XG: variants seen among roughly 807,000 people sequenced by gnomAD.
XG encodes glycoprotein Xg.
In XG, 24 loss-of-function variants were observed where a neutral mutation model predicts 25.7. That is an observed-to-expected ratio of 0.93 (90% CI 0.68 to 1.31). XG has a LOEUF of 1.31. Among genes scored for constraint, XG ranks in the 40% most tolerant of loss-of-function variants. The pLI, the probability that XG is intolerant of heterozygous loss-of-function variation, is 0.00. For synonymous variants in XG, 77 were observed against 69.2 expected, an observed-to-expected ratio of 1.11 and a Z score of -0.56; for missense variants, 181 against 187.6, an observed-to-expected ratio of 0.96 and a Z score of 0.21.
chrX:2,810,550 G>A (rs1405277728), intron 9 of XG, among the ~76,000 whole-genome samples: 1 of 111,560 alleles, frequency 9.0e-6, no homozygotes, highest in Non-Finnish European at 1.9e-5. Context: ...CTCAGGAGGC[G>A]GAGGCAGGAG....
intron 1 of XG, among the ~76,000 whole-genome samples, chrX:2,766,816 C>T (rs2050708776): frequency 6.6e-6 from 1 of 151,972 alleles, no homozygotes; most frequent in African/African-American, 2.4e-5. Context: ...CCGCCTGCCT[C>T]GGCCTCCCAA....
chrX:2,776,681 TA>T (rs1313563241), intron 3 of XG, among the ~76,000 whole-genome samples: 1 of 151,966 alleles, frequency 6.6e-6, no homozygotes, highest in African/African-American at 2.4e-5. Context: ...CCGTCTCTAC[TA>T]AAAAATACAA....
At chrX:2,775,783 T>C (rs311160) in intron 3 of XG, among the ~76,000 whole-genome samples, 118,521 of 150,944 alleles carry the variant, frequency 0.79, 46,981 homozygotes, top group East Asian at 0.94. Flanking sequence ...TGGTGAAACC[T>C]GGTCTCTACT....
chrX:2,772,831 T>C (rs1264891561), intron 2 of XG, among the ~76,000 whole-genome samples: 1 of 152,142 alleles, frequency 6.6e-6, no homozygotes, highest in Non-Finnish European at 1.5e-5. Context: ...GAATGCATCG[T>C]TTTGCTACCA....
At chrX:2,768,140 C>T (rs1348848976) in intron 1 of XG, among the ~76,000 whole-genome samples, 1 of 152,188 alleles carries the variant, frequency 6.6e-6, no homozygotes, top group Admixed American at 6.5e-5. Flanking sequence ...AGGGGAGAGA[C>T]AACACCGAGG....
At position 2,786,260 on chromosome X, in the gene XG, C is replaced by CTTTTTTTTTTTTTTTTTTTTTTTTTTT. The variant is rs1179667048; in HGVS notation, c.191-3367_191-3366insTTTTTTTTTTTTTTTTTTTTTTTTTTT. 3.8e-4 allele frequency among the ~76,000 whole-genome samples: 23 copies of CTTTTTTTTTTTTTTTTTTTTTTTTTTT among 60,561 alleles called. 3 individuals are homozygous for CTTTTTTTTTTTTTTTTTTTTTTTTTTT. Among genetic ancestry groups the CTTTTTTTTTTTTTTTTTTTTTTTTTTT allele is most frequent in the African/African-American group, 8.4e-4 (12 of 14,211 alleles). The allele number at this position is 60,561 out of a possible 115,157, so 52.6% of individuals were successfully genotyped here. A position where few individuals can be genotyped will look rare whatever the true frequency, so the allele number is the denominator to read the frequency against. On this transcript the variant is annotated intron_variant, in intron 4 of 10. Coordinates refer to ENST00000644266, the MANE Select transcript of XG (RefSeq NM_001141919.2). ...CCCCAGCAGCTCCTATCCATGTTGT[C>CTTTTTTTTTTTTTTTTTTTTTTTTTTT]TTTTTTTTTTTTTTTTTCAGACAGA...
intron 10 of XG, among the ~76,000 whole-genome samples, chrX:2,811,714 G>A (rs1182359878): frequency 1.8e-5 from 2 of 111,526 alleles, no homozygotes; most frequent in African/African-American, 6.5e-5. Context: ...TCTTGCCTCA[G>A]CCTCCCGAAC....
At chrX:2,800,271 G>A (rs2086922690) in intron 7 of XG, among the ~76,000 whole-genome samples, 1 of 110,659 alleles carries the variant, frequency 9.0e-6, no homozygotes, top group Middle Eastern at 4.6e-3. Flanking sequence ...GCTCAGAGAC[G>A]ACCATGGTAA....
At chrX:2,794,337 T>G (rs989726949) in intron 5 of XG, among the ~76,000 whole-genome samples, 198 bp from the exon 6 acceptor site, 1 of 112,328 alleles carries the variant, frequency 8.9e-6, no homozygotes, top group Admixed American at 9.4e-5. Flanking sequence ...TTCTGGGCCC[T>G]GCACACGCCT....
At chrX:2,800,728 C>T (rs1443893262) in intron 7 of XG, among the ~76,000 whole-genome samples, 2 of 111,737 alleles carry the variant, frequency 1.8e-5, no homozygotes, top group African/African-American at 6.5e-5. Context: ...TGGCCCACGC[C>T]TGTAATCCCA....
At chrX:2,770,902 G>A (rs1378523749) in intron 2 of XG, among the ~76,000 whole-genome samples, 1 of 152,112 alleles carries the variant, frequency 6.6e-6, no homozygotes, top group Non-Finnish European at 1.5e-5. Context: ...CTGGAGTGCA[G>A]TGGTGCAATC....
At chrX:2,770,624 T>G (rs1487219514) in intron 2 of XG, 33 bp downstream of exon 2, 10 of 1,613,400 alleles carry the variant, frequency 6.2e-6, no homozygotes, top group African/African-American at 1.3e-5. Flanking sequence ...GAGCCTTCCC[T>G]TTTCAGCTTG....
Position 2,789,670 on chromosome X carries a change from C to G in XG, c.217C>G (p.Pro73Ala). 8.6e-7 allele frequency: 1 copy of G among 1,164,632 alleles called. No individual in the cohort carries two copies. Among genetic ancestry groups the G allele is most frequent in the Non-Finnish European group, 1.1e-6 (1 of 871,239 alleles). ...GNIYPRPKPR[P>A]QPQPGNSGNS... ...TATCTACCCAAGGCCAAAGCCACGC[C>G]CTCAACCCCAGCCTGGCAATTCCGG... The change falls in exon 5 of 11, where the codon CCT becomes GCT. Residue 73 changes from proline to alanine, a missense_variant. Transcript: ENST00000644266.
chrX:2,762,127 C>A (rs1281896931), intron 1 of XG, among the ~76,000 whole-genome samples: 2 of 152,170 alleles, frequency 1.3e-5, no homozygotes, highest in African/African-American at 4.8e-5. Flanking sequence ...TCAACCAGTG[C>A]CTCATTGCAT....
At position 2,762,146 on chromosome X, in the gene XG, G is replaced by C. The variant is rs184494450; in HGVS notation, c.62-8404G>C. ...CCAGTGCCTCATTGCATGGTCTGCG[G>C]TATTTTCCTCGAGTTTTCCTTGCAC... On this transcript the variant is annotated intron_variant, in intron 1 of 10. Transcript: ENST00000644266. 1.2e-3 allele frequency among the ~76,000 whole-genome samples: 182 copies of C among 152,264 alleles called. 3 individuals are homozygous for C. In the East Asian group the frequency reaches 0.027, roughly 22 times the overall value.
At chrX:2,765,866 G>A (rs941210018) in intron 1 of XG, among the ~76,000 whole-genome samples, 18 of 152,308 alleles carry the variant, frequency 1.2e-4, no homozygotes, top group African/African-American at 4.3e-4. Flanking sequence ...ACTTTCTGGG[G>A]TCGTGGCCCC....
At chrX:2,763,168 C>CA (rs200866770) in intron 1 of XG, among the ~76,000 whole-genome samples, 1 of 151,900 alleles carries the variant, frequency 6.6e-6, no homozygotes, top group Non-Finnish European at 1.5e-5. Context: ...AGGTGCACAC[C>CA]ACCACGCCCA....
chrX:2,770,589 C>A lies in XG; in HGVS notation c.101C>A (p.Pro34His). 1.2e-6 allele frequency: 2 copies of A among 1,613,920 alleles called. No individual in the cohort carries two copies. The highest frequency in any genetic ancestry group is 1.7e-6 in the Non-Finnish European group (2 of 1,179,856). ...GATTTGGCAGATGCCCTTGATGACC[C>A]TGGTAAGTGCCGATATTTCAAGGGG... ...DFDLADALDD[P>H]EPTKKPNSDI... Residue 34 changes from proline to histidine, a missense_variant and splice_region_variant, in exon 2 of 11, where the codon CCT becomes CAT. Pro to His is a moderately conservative substitution (Grantham distance 77, BLOSUM62 -2). Coordinates refer to ENST00000644266, the MANE Select transcript of XG (RefSeq NM_001141919.2).
At chrX:2,770,895 G>C (rs1372618138) in intron 2 of XG, among the ~76,000 whole-genome samples, 1 of 151,956 alleles carries the variant, frequency 6.6e-6, no homozygotes, top group Non-Finnish European at 1.5e-5. Flanking sequence ...GCCCAGACTG[G>C]AGTGCAGTGG....
Sources: gnomAD v4.1 joint callset for allele counts (sites outside exome capture counted in the v4.1 genomes callset) on GRCh38, gnomAD v4.1.1 for gene constraint, MANE v1.5 for transcripts, NCBI Gene and HGNC (gene_info 2026-07-23, HGNC 2026-07-21) for gene names.